CFH: variants seen among roughly 807,000 people sequenced by gnomAD.
CFH encodes the protein H factor 1 (complement).
In CFH, 53 loss-of-function variants were observed where a neutral mutation model predicts 147.3. The ratio of observed to expected loss-of-function variants is 0.36; its 90% CI spans 0.29 to 0.45. The LOEUF is 0.45. Ranked by LOEUF, CFH falls within the 20% of genes least tolerant of loss-of-function variation. The pLI, the probability that CFH is intolerant of heterozygous loss-of-function variation, is 1.00. For missense variants in CFH, 1,380 were observed against 1,498.0 expected, an observed-to-expected ratio of 0.92 and a Z score of 1.30; for synonymous variants, 536 against 489.4, an observed-to-expected ratio of 1.10 and a Z score of -1.26.
Position 196,701,412 on chromosome 1 carries a change from C to T in CFH, c.1336+11173C>T, listed in dbSNP as rs1290336405. ...CCAATGGAACCAAGTTTGAGTCTTG[C>T]CAGGTCAATACTTGGGTCCTGAGTA... On this transcript the variant is annotated intron_variant, in intron 9 of 21. Coordinates refer to ENST00000367429, the MANE Select transcript of CFH (RefSeq NM_000186.4). The T allele has an allele frequency of 6.2e-6, 10 of 1,604,526 alleles. No homozygotes were observed. In the East Asian group the frequency reaches 2.2e-4, roughly 36 times the overall value.
chr1:196,669,880 A>G (rs1333170162), intron 1 of CFH, among the ~76,000 whole-genome samples: 1 of 152,186 alleles, frequency 6.6e-6, no homozygotes, highest in African/African-American at 2.4e-5. Flanking sequence ...TGGAAAAGCC[A>G]CAGAGACTCA....
intron 9 of CFH, among the ~76,000 whole-genome samples, chr1:196,695,813 T>C (rs1362698728): frequency 6.6e-6 from 1 of 152,166 alleles, no homozygotes; most frequent in East Asian, 1.9e-4. Context: ...TGTCTATTAC[T>C]GATGTATAGG....
intron 11 of CFH, among the ~76,000 whole-genome samples, chr1:196,716,485 A>T (rs1668873076): frequency 6.6e-6 from 1 of 152,114 alleles, no homozygotes; most frequent in Non-Finnish European, 1.5e-5. Flanking sequence ...GTTTTAAGAA[A>T]AGGAATGGTA....
chr1:196,744,595 A>C (rs35052326), intron 20 of CFH, among the ~76,000 whole-genome samples: 2,808 of 152,226 alleles, frequency 0.018, 90 homozygotes, highest in African/African-American at 0.064. Context: ...TGGAATATGG[A>C]AACCTTACTT....
At chr1:196,671,587 T>TATACACAC (rs1667279174) in intron 1 of CFH, among the ~76,000 whole-genome samples, 1 of 129,492 alleles carries the variant, frequency 7.7e-6, no homozygotes, top group Non-Finnish European at 1.7e-5. Flanking sequence ...AAAAGACTAA[T>TATACACAC]ACACACACAC....
intron 1 of CFH, among the ~76,000 whole-genome samples, chr1:196,657,953 AC>A (rs1437895623): frequency 6.6e-6 from 1 of 152,146 alleles, no homozygotes; most frequent in Non-Finnish European, 1.5e-5. Context: ...TTTTCAACTA[AC>A]AGTTAAAAGA....
At chr1:196,722,999 T>G (rs531816963) in intron 11 of CFH, among the ~76,000 whole-genome samples, 3 of 152,230 alleles carry the variant, frequency 2.0e-5, no homozygotes, top group African/African-American at 7.2e-5. Context: ...AATTTCTTTG[T>G]GTTGCTTTTC....
chr1:196,718,606 C>CT (rs1314976075), intron 11 of CFH, among the ~76,000 whole-genome samples: 1 of 151,992 alleles, frequency 6.6e-6, no homozygotes, highest in African/African-American at 2.4e-5. Flanking sequence ...TCATAAATTT[C>CT]TTTTCTGTGA....
chr1:196,679,732 C>T lies in CFH; in HGVS notation c.729C>T (p.Tyr243=). 1 of 1,611,626 alleles carries T rather than the reference C, an allele frequency of 6.2e-7. No homozygotes were observed. Among genetic ancestry groups the T allele is most frequent in the Non-Finnish European group, 8.5e-7 (1 of 1,178,452 alleles). The change falls in exon 6 of 22, where the codon TAC becomes TAT. Residue 243 remains tyrosine (Y), a synonymous_variant. Transcript: ENST00000367429. ...ATAAATGTAACATGGGTTATGAATA[C>T]AGTGAAAGAGGAGATGCTGTATGCA... ...FQYKCNMGYE[Y]SERGDAVCTE...
Position 196,690,189 on chromosome 1 carries a change from T to C in CFH, c.1286T>C (p.Val429Ala). 6.2e-7 allele frequency: 1 copy of C among 1,613,412 alleles called. No individual in the cohort carries two copies. Reference protein sequence around the residue: ...GYALPKAQTTVTCMENGWSPT... With the variant: ...GYALPKAQTTATCMENGWSPT... ...GCTCTTCCAAAAGCGCAGACCACAG[T>C]TACATGTATGGAGAATGGCTGGTCT... The change falls in exon 9 of 22, where the codon GTT becomes GCT. Residue 429 changes from valine to alanine, a missense_variant. By Grantham distance (64) the Val-to-Ala change is moderately conservative. Around this residue, in one of 4 missense-constraint regions of CFH, gnomAD observed 830 missense variants for 821.4 expected, o/e 1.01. Transcript: ENST00000367429.
At chr1:196,733,691 A>G (rs1669333857) in intron 15 of CFH, among the ~76,000 whole-genome samples, 1 of 152,094 alleles carries the variant, frequency 6.6e-6, no homozygotes, top group South Asian at 2.1e-4. Flanking sequence ...TTTAGAATAC[A>G]GTCCCTGAAT....
At chr1:196,729,161 T>C (rs1255640947) in intron 15 of CFH, among the ~76,000 whole-genome samples, 1 of 152,052 alleles carries the variant, frequency 6.6e-6, no homozygotes, top group Non-Finnish European at 1.5e-5. Context: ...TTTTTACCAA[T>C]GTCTGCCAGT....
At chr1:196,717,843 C>T (rs543055470) in intron 11 of CFH, among the ~76,000 whole-genome samples, 3 of 152,128 alleles carry the variant, frequency 2.0e-5, no homozygotes, top group African/African-American at 7.2e-5. Flanking sequence ...AACAGGACTG[C>T]TTACAACCTT....
At chr1:196,678,004 A>T (rs1183113287) in intron 5 of CFH, 3 of 330,622 alleles carry the variant, frequency 9.1e-6, no homozygotes, top group South Asian at 8.1e-5. Context: ...TTTAACCATA[A>T]CTCCATTGTA....
chr1:196,731,595 A>T (rs1403872797), intron 15 of CFH, among the ~76,000 whole-genome samples: 1 of 151,974 alleles, frequency 6.6e-6, no homozygotes, highest in African/African-American at 2.4e-5. Context: ...AGTAAGTTTT[A>T]TACTTTAACA....
chr1:196,682,260 C>T (rs1667683213), intron 6 of CFH, among the ~76,000 whole-genome samples: 1 of 151,738 alleles, frequency 6.6e-6, no homozygotes, highest in Admixed American at 6.6e-5. Context: ...GCATAGAGTG[C>T]TAACCTTGAA....
At chr1:196,675,864 C>T (rs962194001) in intron 3 of CFH, 125 bp from the exon 4 acceptor site, 1 of 584,020 alleles carries the variant, frequency 1.7e-6, no homozygotes, top group Non-Finnish European at 3.1e-6. Context: ...AAACAAGAAA[C>T]AAGAAAATGC....
chr1:196,705,266 A>G (rs1266360560), intron 9 of CFH, among the ~76,000 whole-genome samples: 7 of 152,062 alleles, frequency 4.6e-5, no homozygotes, highest in Non-Finnish European at 8.8e-5. Context: ...TGAAAAACTC[A>G]ATTATATATT....
At chr1:196,710,306 C>A (rs1234448186) in intron 9 of CFH, among the ~76,000 whole-genome samples, 1 of 152,110 alleles carries the variant, frequency 6.6e-6, no homozygotes, top group Non-Finnish European at 1.5e-5. Context: ...CCTTTCTTTG[C>A]TGCAAACCCT....
Sources: allele counts gnomAD v4.1 joint callset (sites outside exome capture counted in the v4.1 genomes callset), GRCh38; gene constraint gnomAD v4.1.1; regional missense constraint gnomAD v4.1.1; transcripts MANE v1.5; gene names NCBI Gene and HGNC (gene_info 2026-07-23, HGNC 2026-07-21).